USO1: variants seen among roughly 807,000 people sequenced by gnomAD.
The protein encoded by USO1 is general vesicular transport factor p115.
In USO1, 57 loss-of-function variants were observed where a neutral mutation model predicts 124.5. The observed-to-expected ratio is 0.46, with a 90% CI of 0.37 to 0.57. USO1 has a LOEUF of 0.57. Among genes scored for constraint, USO1 ranks in the 20% least tolerant of loss-of-function variants. USO1 has a pLI of 0.00. For synonymous variants in USO1, 369 were observed against 362.8 expected, an observed-to-expected ratio of 1.02 and a Z score of -0.19; for missense variants, 900 against 1,040.6, an observed-to-expected ratio of 0.86 and a Z score of 1.86.
At chr4:75,788,166 TATTTA>T (rs1722417343) in intron 10 of USO1, among the ~76,000 whole-genome samples, 2 of 93,708 alleles carry the variant, frequency 2.1e-5, no homozygotes, top group East Asian at 5.9e-4. Context: ...TTTATTTATT[TATTTA>T]TTTTTTTTTT....
Position 75,800,464 on chromosome 4 carries a change from C to A in USO1, c.1677C>A (p.Tyr559Ter). The change falls in exon 15 of 24, where the codon TAC (tyrosine) becomes TAA (stop). Residue 559 changes from tyrosine (Y) to a stop codon, truncating the protein, a stop_gained. Coordinates refer to ENST00000514213, the MANE Select transcript of USO1 (RefSeq NM_003715.4). LOFTEE classifies it high-confidence loss of function. Reference sequence around the variant, plus strand: ...TCAATGATAACTCACTTGAGAGCTACATGAAGTAAGTAAGGGGAAGATGGT... The same window carrying A: ...TCAATGATAACTCACTTGAGAGCTAAATGAAGTAAGTAAGGGGAAGATGGT... ...IYFNDNSLES[Y>*]MKEKLKQLIE... The A allele has an allele frequency of 6.3e-7, 1 of 1,582,182 alleles. No homozygotes were observed. Among genetic ancestry groups the A allele is most frequent in the Admixed American group, 1.8e-5 (1 of 54,728 alleles).
At chr4:75,734,066 C>T (rs541947192) in intron 1 of USO1, among the ~76,000 whole-genome samples, 134 of 151,424 alleles carry the variant, frequency 8.8e-4, no homozygotes, top group Non-Finnish European at 1.7e-3. Flanking sequence ...CTGCTTCAGC[C>T]TCCCAAGTAG....
At chr4:75,767,933 G>A (rs1721814773) in intron 4 of USO1, among the ~76,000 whole-genome samples, 1 of 152,198 alleles carries the variant, frequency 6.6e-6, no homozygotes, top group Non-Finnish European at 1.5e-5. Flanking sequence ...ATCAATTTGT[G>A]AAAACCTGAC....
At position 75,759,246 on chromosome 4, in the gene USO1, C is replaced by CTTTTTTTTTTTTTTTTTTTTTTTT. The variant is rs71208100; in HGVS notation, c.295+1691_295+1692insTTTTTTTTTTTTTTTTTTTTTTTT. ...TAATAGAATCACTTTTATTAAGGACCTTTTTTTTTTTTTTTTTTCTGAAAA... is the reference window on the plus strand; with the variant it reads ...TAATAGAATCACTTTTATTAAGGACCTTTTTTTTTTTTTTTTTTTTTTTTTTTTTTTTTTTTTTTTTTCTGAAAA... On this transcript the variant is annotated intron_variant, in intron 4 of 23. Transcript: ENST00000514213. Among the ~76,000 whole-genome samples the CTTTTTTTTTTTTTTTTTTTTTTTT allele has an allele frequency of 5.5e-4, 38 of 69,124 alleles. 10 individuals are homozygous for CTTTTTTTTTTTTTTTTTTTTTTTT. Among genetic ancestry groups the CTTTTTTTTTTTTTTTTTTTTTTTT allele is most frequent in the African/African-American group, 2.3e-3 (35 of 15,528 alleles). The allele number at this position is 69,124 out of a possible 152,430, so 45.3% of individuals were successfully genotyped here.
chr4:75,739,954 T>C (rs887960964), intron 1 of USO1, among the ~76,000 whole-genome samples: 1 of 152,176 alleles, frequency 6.6e-6, no homozygotes, highest in African/African-American at 2.4e-5. Context: ...AGAGGTGATA[T>C]GTATATTATG....
intron 13 of USO1, among the ~76,000 whole-genome samples, chr4:75,797,229 G>T (rs1022371016): frequency 6.6e-6 from 1 of 151,682 alleles, no homozygotes; most frequent in Admixed American, 6.6e-5. Flanking sequence ...TATACTTTCT[G>T]GTTTCTTTTT....
rs1722257475 is a variant in USO1, at chr4:75,782,790, T to A, written c.787T>A (p.Phe263Ile). 3 of 1,602,838 alleles carry A rather than the reference T, an allele frequency of 1.9e-6. No individual in the cohort carries two copies. The highest frequency in any genetic ancestry group is 3.5e-5 in the Admixed American group (2 of 57,004). The change falls in exon 9 of 24, where the codon TTT (phenylalanine) becomes ATT (isoleucine). Residue 263 changes from phenylalanine (F) to isoleucine (I), a missense_variant. Physicochemically the swap from Phe to Ile is conservative, Grantham distance 21. Coordinates refer to ENST00000514213, the MANE Select transcript of USO1 (RefSeq NM_003715.4). ...GSYIQRMKPW[F>I]EVGDENSGWS... ...ATATATTCAACGTATGAAACCTTGGTTTGAAGTTGGAGATGAAAATTCTGG... is the reference window on the plus strand; with the variant it reads ...ATATATTCAACGTATGAAACCTTGGATTGAAGTTGGAGATGAAAATTCTGG...
At position 75,812,211 on chromosome 4, in the gene USO1, G is replaced by C. The variant is rs776959474; in HGVS notation, c.2635G>C (p.Asp879His). The change falls in exon 23 of 24, where the codon GAT becomes CAT. Residue 879 changes from aspartate (D) to histidine (H), a missense_variant. By Grantham distance (81) the Asp-to-His change is moderately conservative. Around this residue, in one of 2 missense-constraint regions of USO1, gnomAD observed 362 missense variants for 359.0 expected, o/e 1.01. Coordinates refer to ENST00000514213, the MANE Select transcript of USO1 (RefSeq NM_003715.4). Reference protein sequence around the residue: ...EERTAIKEQLDSSNSTIAILQ... With the variant: ...EERTAIKEQLHSSNSTIAILQ... Reference sequence around the variant, plus strand: ...AAGAACTGCCATTAAAGAGCAGCTGGATTCATCTAATAGTACCATTGCCAT... The same window carrying C: ...AAGAACTGCCATTAAAGAGCAGCTGCATTCATCTAATAGTACCATTGCCAT... 1 of 1,609,936 alleles carries C rather than the reference G, an allele frequency of 6.2e-7. No individual in the cohort carries two copies.
chr4:75,742,627 T>G (rs1313871176), intron 1 of USO1, among the ~76,000 whole-genome samples: 1 of 152,244 alleles, frequency 6.6e-6, no homozygotes, highest in Non-Finnish European at 1.5e-5. Flanking sequence ...CTTGGTAGTA[T>G]GCTGAGATAA....
At chr4:75,811,889 T>G (rs902086550) in intron 22 of USO1, among the ~76,000 whole-genome samples, 3 of 152,216 alleles carry the variant, frequency 2.0e-5, no homozygotes, top group African/African-American at 4.8e-5. Context: ...GTACTGTTTT[T>G]TTTAAGTCTC....
chr4:75,724,842 T>TGG lies in USO1; in HGVS notation c.28_29dup (p.Gln11ValfsTer21). ...AAGATGAATTTCCTCCGCGGGGTAA[T>TGG]GGGGGGTCAGAGTGCCGGACCCCAG... On this transcript the variant is annotated frameshift_variant, in exon 1 of 24. Coordinates refer to ENST00000514213, the MANE Select transcript of USO1 (RefSeq NM_003715.4). LOFTEE classifies it high-confidence loss of function. 1 of 1,612,530 alleles carries TGG rather than the reference T, an allele frequency of 6.2e-7. No homozygotes were observed. The highest frequency in any genetic ancestry group is 8.5e-7 in the Non-Finnish European group (1 of 1,179,460).
chr4:75,746,213 G>A (rs1721122449), intron 1 of USO1, among the ~76,000 whole-genome samples: 1 of 152,204 alleles, frequency 6.6e-6, no homozygotes, highest in South Asian at 2.1e-4. Context: ...AAAGAGCAAT[G>A]AAGAACAAGT....
At position 75,736,758 on chromosome 4, in the gene USO1, T is replaced by C. The variant is rs139744671; in HGVS notation, c.66+11873T>C. 3.5e-3 allele frequency among the ~76,000 whole-genome samples: 534 copies of C among 152,358 alleles called. 1 individual carries two copies. The highest frequency in any genetic ancestry group is 0.012 in the African/African-American group (482 of 41,584). Reference sequence around the variant, plus strand: ...TCTTGATAATAGAATCCATGTCTTATTCATTATTATGTTTCTCAGAGCACC... The same window carrying C: ...TCTTGATAATAGAATCCATGTCTTACTCATTATTATGTTTCTCAGAGCACC... On this transcript the variant is annotated intron_variant, in intron 1 of 23. Transcript: ENST00000514213.
At chr4:75,757,624 G>A in intron 4 of USO1, 51 bp downstream of exon 4, 1 of 1,333,540 alleles carries the variant, frequency 7.5e-7, no homozygotes, top group South Asian at 1.9e-5. Context: ...AACCAACTGG[G>A]TTGTGCTAAT....
chr4:75,741,340 G>A (rs1750773908), intron 1 of USO1, among the ~76,000 whole-genome samples: 1 of 152,148 alleles, frequency 6.6e-6, no homozygotes, highest in Non-Finnish European at 1.5e-5. Context: ...AGTGGTGAAT[G>A]AATGTGAAGA....
intron 1 of USO1, among the ~76,000 whole-genome samples, chr4:75,734,126 A>G (rs1355178522): frequency 6.6e-6 from 1 of 151,882 alleles, no homozygotes; most frequent in Non-Finnish European, 1.5e-5. Flanking sequence ...TTGTATTTTT[A>G]GTAGAGACAG....
At chr4:75,796,341 C>CTTTTGTTTTTTTTTTTT (rs1722678935) in intron 13 of USO1, among the ~76,000 whole-genome samples, 1 of 102,064 alleles carries the variant, frequency 9.8e-6, no homozygotes, top group African/African-American at 3.1e-5. Context: ...CCATCATGCT[C>CTTTTGTTTTTTTTTTTT]TTTTTTTTTT....
At chr4:75,775,675 A>T (rs1404927028) in intron 8 of USO1, among the ~76,000 whole-genome samples, 1 of 152,284 alleles carries the variant, frequency 6.6e-6, no homozygotes, top group African/African-American at 2.4e-5. Flanking sequence ...TAGAAAAAAA[A>T]CTCAGTTTTT....
chr4:75,774,762 G>A lies in USO1; in HGVS notation c.642G>A (p.Leu214=), dbSNP rs1278478121. 4.3e-6 allele frequency: 7 copies of A among 1,613,526 alleles called. No individual in the cohort carries two copies. The highest frequency in any genetic ancestry group is 1.3e-5 in the African/African-American group (1 of 74,886). ...TTGAAAATGCTTTCGAGAGACTACTGGACATTATTTCAGAGGAGGGGAACA... is the reference window on the plus strand; with the variant it reads ...TTGAAAATGCTTTCGAGAGACTACTAGACATTATTTCAGAGGAGGGGAACA... ...VAFENAFERL[L]DIISEEGNSD... Residue 214 remains leucine (L), a synonymous_variant, in exon 8 of 24, where the codon CTG becomes CTA. Coordinates refer to ENST00000514213, the MANE Select transcript of USO1 (RefSeq NM_003715.4).
Sources: allele counts gnomAD v4.1 joint callset (sites outside exome capture counted in the v4.1 genomes callset), GRCh38; gene constraint gnomAD v4.1.1; regional missense constraint gnomAD v4.1.1; transcripts MANE v1.5; gene names NCBI Gene and HGNC (gene_info 2026-07-23, HGNC 2026-07-21).